Variants in ZBTB38 observed in about 807,000 individuals in gnomAD.
ZBTB38 encodes the protein zinc finger and BTB domain-containing protein 38.
A neutral mutation model predicts 76.8 loss-of-function variants in ZBTB38; 20 were observed. That is an observed-to-expected ratio of 0.26 (90% CI 0.18 to 0.38). The LOEUF is 0.38. Among genes scored for constraint, ZBTB38 ranks in the 10% least tolerant of loss-of-function variants. ZBTB38 has a pLI of 1.00. For synonymous variants in ZBTB38, 504 were observed against 544.2 expected (o/e 0.93, Z 1.03); for missense variants, 1,082 against 1,482.3 (o/e 0.73, Z 4.43).
At chr3:141,371,045 C>CTTTTTTTTT (rs754872291) in intron 2 of ZBTB38, among the ~76,000 whole-genome samples, 827 of 71,996 alleles carry the variant, frequency 0.011, 132 homozygotes, top group Non-Finnish European at 0.016. Context: ...TTCTTTCTTT[C>CTTTTTTTTT]TTTTTTTTTT....
chr3:141,345,506 C>T (rs764372072), intron 1 of ZBTB38, among the ~76,000 whole-genome samples: 13 of 152,164 alleles, frequency 8.5e-5, no homozygotes, highest in Non-Finnish European at 1.8e-4. Context: ...TTTCTTTTCT[C>T]AACCCATCTA....
chr3:141,384,152 C>T (rs904308235), intron 3 of ZBTB38, among the ~76,000 whole-genome samples: 1 of 152,204 alleles, frequency 6.6e-6, no homozygotes, highest in Admixed American at 6.5e-5. Flanking sequence ...TGGAACATCA[C>T]AAAATAAACC....
At chr3:141,392,049 A>C (rs1204780021) in intron 4 of ZBTB38, among the ~76,000 whole-genome samples, 2 of 152,238 alleles carry the variant, frequency 1.3e-5, no homozygotes, top group Non-Finnish European at 2.9e-5. Context: ...TTGCTATGTG[A>C]GTTAGAAACT....
intron 3 of ZBTB38, among the ~76,000 whole-genome samples, chr3:141,383,945 C>A (rs1485690206): frequency 6.6e-6 from 1 of 152,202 alleles, no homozygotes; most frequent in Non-Finnish European, 1.5e-5. Flanking sequence ...TGAATGCATA[C>A]CCTTGCCACT....
chr3:141,357,547 C>T (rs966539236), intron 1 of ZBTB38, among the ~76,000 whole-genome samples: 5 of 151,906 alleles, frequency 3.3e-5, no homozygotes, highest in Admixed American at 6.6e-5. Flanking sequence ...TTGTTTGTTT[C>T]GAGATGAAGT....
chr3:141,388,261 A>T (rs1225354935), intron 4 of ZBTB38: 2 of 152,196 alleles, frequency 1.3e-5, no homozygotes, highest in African/African-American at 4.8e-5. Flanking sequence ...AAGCTTAATA[A>T]GAAACATTAA....
chr3:141,343,733 A>C (rs138215889), intron 1 of ZBTB38, among the ~76,000 whole-genome samples: 19 of 152,354 alleles, frequency 1.2e-4, no homozygotes, highest in African/African-American at 4.3e-4. Context: ...CATGGATCAA[A>C]GTACAACTCT....
intron 1 of ZBTB38, among the ~76,000 whole-genome samples, chr3:141,350,912 A>G (rs1943495217): frequency 6.6e-6 from 1 of 152,234 alleles, no homozygotes; most frequent in African/African-American, 2.4e-5. Flanking sequence ...GCTTAAAGAT[A>G]TGGAGATGTC....
At chr3:141,338,344 A>G (rs1943075394) in intron 1 of ZBTB38, among the ~76,000 whole-genome samples, 1 of 152,192 alleles carries the variant, frequency 6.6e-6, no homozygotes, top group African/African-American at 2.4e-5. Context: ...AGACACATGG[A>G]TGCATGTTTA....
At chr3:141,406,995 TG>T (rs971269153) in intron 5 of ZBTB38, among the ~76,000 whole-genome samples, 16 of 152,352 alleles carry the variant, frequency 1.1e-4, no homozygotes, top group African/African-American at 3.6e-4. Flanking sequence ...CTCTTAAATT[TG>T]TCCCCGGCAA....
rs1577546673 is a variant in ZBTB38 at position 141,443,461 on chromosome 3, G to A, written c.1073G>A (p.Ser358Asn). The A allele has an allele frequency of 1.9e-6, 3 of 1,614,094 alleles. No individual in the cohort carries two copies. Among genetic ancestry groups the A allele is most frequent in the East Asian group, 4.5e-5 (2 of 44,906 alleles). The change falls in exon 6 of 6, where the codon AGT (serine) becomes AAT (asparagine). Residue 358 changes from serine to asparagine, a missense_variant. Coordinates refer to ENST00000321464, the MANE Select transcript of ZBTB38 (RefSeq NM_001376113.1). The surrounding 1 kb of genome is among the most constrained non-coding windows in gnomAD (Gnocchi z 5.6). ...SKAFDSSTLL[S>N]AHMQLHKPTQ... Reference sequence around the variant, plus strand: ...GCCTTTGACAGCAGCACTCTGCTCAGTGCCCACATGCAGCTTCACAAGCCA... The same window carrying A: ...GCCTTTGACAGCAGCACTCTGCTCAATGCCCACATGCAGCTTCACAAGCCA...
chr3:141,444,177 G>T lies in ZBTB38; in HGVS notation c.1789G>T (p.Glu597Ter). 2 of 1,614,110 alleles carry T rather than the reference G, an allele frequency of 1.2e-6. No homozygotes were observed. Among genetic ancestry groups the T allele is most frequent in the Non-Finnish European group, 1.7e-6 (2 of 1,179,976 alleles). ...TGCACGAGAAAACAGTCAAATGAATGAGTCTGCACCTGGTACCTATGTTGT... is the reference window on the plus strand; with the variant it reads ...TGCACGAGAAAACAGTCAAATGAATTAGTCTGCACCTGGTACCTATGTTGT... ...ENARENSQMN[E>*]SAPGTYVVQN... Residue 597 changes from glutamate to a stop codon, truncating the protein, a stop_gained, in exon 6 of 6, where the codon GAG (glutamate) becomes TAG (stop). Coordinates refer to ENST00000321464, the MANE Select transcript of ZBTB38 (RefSeq NM_001376113.1). LOFTEE classifies it high-confidence loss of function. The surrounding 1 kb of genome is among the most constrained non-coding windows in gnomAD (Gnocchi z 5.1).
At chr3:141,402,567 C>A (rs1343540646) in intron 4 of ZBTB38, 5 of 151,028 alleles carry the variant, frequency 3.3e-5, no homozygotes, top group African/African-American at 1.2e-4. Context: ...TGGAGGGAGC[C>A]GGGAAGCCGG....
chr3:141,348,188 C>G (rs1461235700), intron 1 of ZBTB38, among the ~76,000 whole-genome samples: 1 of 152,110 alleles, frequency 6.6e-6, no homozygotes, highest in African/African-American at 2.4e-5. Context: ...TCTTGAGCTT[C>G]AAAGGAGTGG....
At chr3:141,419,966 G>A (rs543390590) in intron 5 of ZBTB38, among the ~76,000 whole-genome samples, 7 of 152,246 alleles carry the variant, frequency 4.6e-5, no homozygotes, top group East Asian at 3.9e-4. Flanking sequence ...CAGCATGGGC[G>A]ACAAGAGCAC....
chr3:141,445,387 G>C lies in ZBTB38; in HGVS notation c.2999G>C (p.Arg1000Thr). 6.2e-7 allele frequency: 1 copy of C among 1,614,164 alleles called. No homozygotes were observed. The highest frequency in any genetic ancestry group is 8.5e-7 in the Non-Finnish European group (1 of 1,180,026). The change falls in exon 6 of 6, where the codon AGG becomes ACG. Residue 1000 changes from arginine to threonine, a missense_variant. Arg to Thr is a moderately conservative substitution (Grantham distance 71). Around this residue, in one of 8 missense-constraint regions of ZBTB38, gnomAD observed 471 missense variants for 581.0 expected, o/e 0.81. Coordinates refer to ENST00000321464, the MANE Select transcript of ZBTB38 (RefSeq NM_001376113.1). The surrounding 1 kb of genome is among the most constrained non-coding windows in gnomAD (Gnocchi z 6.5). ...DKAVGAGNQGRPHRHLTSRPY... is the reference protein window; with the variant it reads ...DKAVGAGNQGTPHRHLTSRPY... ...GCAGTGGGGGCTGGAAACCAAGGAA[G>C]GCCCCACCGACATCTTACTTCTCGG...
At chr3:141,335,175 G>A (rs1160723377) in intron 1 of ZBTB38, among the ~76,000 whole-genome samples, 2 of 152,230 alleles carry the variant, frequency 1.3e-5, no homozygotes, top group African/African-American at 4.8e-5. Context: ...CTTTGTGAGA[G>A]AAACAGCCTT....
intron 5 of ZBTB38, among the ~76,000 whole-genome samples, chr3:141,420,144 C>T (rs1236138953): frequency 6.6e-6 from 1 of 152,092 alleles, no homozygotes; most frequent in East Asian, 1.9e-4. Context: ...GGCACTGAAA[C>T]AATCGCAGGC....
At position 141,406,592 on chromosome 3, in the gene ZBTB38, C is replaced by T. The variant is rs924686542; in HGVS notation, c.-1+2561C>T. On this transcript the variant is annotated intron_variant, in intron 5 of 5. Transcript: ENST00000321464. ...TTTGCGCTCCACAAGAAGGCCAGGG[C>T]TCATTTGGGAGTCTTTGGTTTATAA... Among the ~76,000 whole-genome samples the T allele has an allele frequency of 2.0e-5, 3 of 152,230 alleles. 1 individual carries two copies. In the South Asian group the frequency reaches 6.2e-4, roughly 32 times the overall value.
Sources: allele counts gnomAD v4.1 joint callset (sites outside exome capture counted in the v4.1 genomes callset), GRCh38; gene constraint gnomAD v4.1.1; regional missense constraint gnomAD v4.1.1; non-coding constraint Gnocchi (gnomAD v3.1); transcripts MANE v1.5; gene names NCBI Gene and HGNC (gene_info 2026-07-23, HGNC 2026-07-21).